Variants in SGCZ observed in about 807,000 individuals in gnomAD.
SGCZ encodes the protein zeta-sarcoglycan.
In SGCZ, 40 loss-of-function variants were observed where a neutral mutation model predicts 41.3. The ratio of observed to expected loss-of-function variants is 0.97; its 90% CI spans 0.75 to 1.26. The LOEUF is 1.26. Ranked by LOEUF, SGCZ falls within the 50% of genes most tolerant of loss-of-function variation. SGCZ has a pLI of 0.00. For synonymous variants in SGCZ, 206 were observed against 137.5 expected (o/e 1.50, Z -3.49); for missense variants, 552 against 369.8 (o/e 1.49, Z -4.04).
At chr8:15,049,057 T>C (rs1286565488) in intron 1 of SGCZ, among the ~76,000 whole-genome samples, 1 of 152,152 alleles carries the variant, frequency 6.6e-6, no homozygotes, top group African/African-American at 2.4e-5. Context: ...AATTAAGAGA[T>C]ACCTAACAAA....
At chr8:14,201,316 T>C (rs558204361) in intron 4 of SGCZ, among the ~76,000 whole-genome samples, 17 of 152,290 alleles carry the variant, frequency 1.1e-4, no homozygotes, top group African/African-American at 4.1e-4. Flanking sequence ...AAAAAGCCTG[T>C]ATGCATAAGC....
chr8:14,321,845 A>G (rs932484917), intron 3 of SGCZ, among the ~76,000 whole-genome samples: 1 of 152,120 alleles, frequency 6.6e-6, no homozygotes, highest in African/African-American at 2.4e-5. Context: ...AATTAAAAAC[A>G]TCATTTCTGC....
At chr8:14,640,305 G>T (rs1310769558) in intron 1 of SGCZ, among the ~76,000 whole-genome samples, 1 of 151,556 alleles carries the variant, frequency 6.6e-6, no homozygotes, top group Non-Finnish European at 1.5e-5. Flanking sequence ...TACAAAGTTT[G>T]GGTACATAAT....
intron 1 of SGCZ, among the ~76,000 whole-genome samples, chr8:14,908,795 T>C (rs1305925798): frequency 6.7e-6 from 1 of 148,384 alleles, no homozygotes; most frequent in Non-Finnish European, 1.5e-5. Context: ...TAATTCACTA[T>C]AAAAAATATT....
chr8:14,798,009 CT>C (rs1801193973), intron 1 of SGCZ, among the ~76,000 whole-genome samples: 1 of 152,186 alleles, frequency 6.6e-6, no homozygotes, highest in Non-Finnish European at 1.5e-5. Context: ...CAGAAGTTTG[CT>C]GCAGGGGCGG....
intron 2 of SGCZ, among the ~76,000 whole-genome samples, chr8:14,344,891 C>A (rs1293302114): frequency 6.6e-6 from 1 of 151,902 alleles, no homozygotes; most frequent in Non-Finnish European, 1.5e-5. Context: ...ATGAGAATTT[C>A]TACATTGCAG....
intron 1 of SGCZ, among the ~76,000 whole-genome samples, chr8:14,570,178 G>T (rs1304066116): frequency 1.3e-5 from 2 of 152,118 alleles, no homozygotes; most frequent in Non-Finnish European, 1.5e-5. Context: ...ACTCCTTCAA[G>T]CAGAGCAGGT....
intron 1 of SGCZ, among the ~76,000 whole-genome samples, chr8:15,110,232 T>A (rs1483883669): frequency 6.6e-6 from 1 of 152,322 alleles, no homozygotes; most frequent in Non-Finnish European, 1.5e-5. Flanking sequence ...GCCAGTCAGA[T>A]GATCCTTGAG....
chr8:14,349,677 A>G (rs1233494187), intron 2 of SGCZ, among the ~76,000 whole-genome samples: 3 of 152,174 alleles, frequency 2.0e-5, no homozygotes, highest in Non-Finnish European at 4.4e-5. Context: ...AAATAAAAAC[A>G]AGCCCACAGG....
At position 14,460,238 on chromosome 8, in the gene SGCZ, C is replaced by T. The variant is rs373950999; in HGVS notation, c.234+94494G>A. Among the ~76,000 whole-genome samples the T allele has an allele frequency of 3.7e-4, 57 of 152,256 alleles. 1 individual carries two copies. The East Asian group carries it at 5.8e-3, about 15-fold the overall frequency. On this transcript the variant is annotated intron_variant, in intron 2 of 7. Coordinates refer to ENST00000382080, the MANE Select transcript of SGCZ (RefSeq NM_139167.4). ...AAAATATGAGGTACTTTTTACTACA[C>T]ATTTTGACAATTTAAAAGTTAAGCA...
chr8:14,751,845 GGC>G (rs1370837472), intron 1 of SGCZ, among the ~76,000 whole-genome samples: 5 of 151,690 alleles, frequency 3.3e-5, no homozygotes, highest in Non-Finnish European at 7.4e-5. Context: ...CACTGCACCC[GGC>G]CATGAACCCG....
chr8:14,417,828 T>C (rs535154865), intron 2 of SGCZ, among the ~76,000 whole-genome samples: 1 of 151,970 alleles, frequency 6.6e-6, no homozygotes, highest in East Asian at 1.9e-4. Context: ...TATCACATTA[T>C]ACAACTTAAA....
chr8:14,394,134 G>GCCC lies in SGCZ; in HGVS notation c.235-69933_235-69931dup, dbSNP rs142651514. Among the ~76,000 whole-genome samples, 55 of 128,774 alleles carry GCCC rather than the reference G, an allele frequency of 4.3e-4. 1 individual carries two copies. The highest frequency in any genetic ancestry group is 1.6e-3 in the African/African-American group (49 of 29,976). 84.5% of individuals were successfully genotyped at this position (128,774 alleles called of 152,430 possible). ...GAACTACTTCATGCACTGCCCTACC[G>GCCC]CCCCCCACCTTTTTTTTTTTTTTTT... On this transcript the variant is annotated intron_variant, in intron 2 of 7. Transcript: ENST00000382080.
In SGCZ at chr8:14,877,775, C is replaced by T. The variant is rs564358612; in HGVS notation, c.40-322849G>A. On this transcript the variant is annotated intron_variant, in intron 1 of 7. Coordinates refer to ENST00000382080, the MANE Select transcript of SGCZ (RefSeq NM_139167.4). Reference sequence around the variant, plus strand: ...CAAAGCATTCATTTTCCTACAAAAACGAATATATTTATTCGTTTTTTTATG... The same window carrying T: ...CAAAGCATTCATTTTCCTACAAAAATGAATATATTTATTCGTTTTTTTATG... 5.9e-5 allele frequency among the ~76,000 whole-genome samples: 9 copies of T among 152,076 alleles called. No individual in the cohort carries two copies. In the East Asian group the frequency reaches 9.7e-4, roughly 16 times the overall value.
intron 1 of SGCZ, among the ~76,000 whole-genome samples, chr8:15,179,627 C>T (rs918823590): frequency 1.3e-5 from 2 of 152,102 alleles, no homozygotes; most frequent in African/African-American, 4.8e-5. Flanking sequence ...ACACAGTCAT[C>T]AGTTTTGGAA....
At chr8:14,649,762 T>G (rs192277152) in intron 1 of SGCZ, among the ~76,000 whole-genome samples, 20 of 152,196 alleles carry the variant, frequency 1.3e-4, no homozygotes, top group African/African-American at 4.8e-4. Flanking sequence ...GGCTGGCTAG[T>G]GCTTCTTTTC....
intron 3 of SGCZ, among the ~76,000 whole-genome samples, chr8:14,319,751 A>G (rs1011563061): frequency 1.3e-5 from 2 of 152,060 alleles, no homozygotes; most frequent in Non-Finnish European, 2.9e-5. Flanking sequence ...TTAAAGTAAT[A>G]TAATTATCAA....
At chr8:14,214,169 C>G (rs912873570) in intron 4 of SGCZ, among the ~76,000 whole-genome samples, 2 of 152,058 alleles carry the variant, frequency 1.3e-5, no homozygotes, top group Admixed American at 1.3e-4. Context: ...TCTGTCCTCC[C>G]CAGAACACAT....
intron 1 of SGCZ, among the ~76,000 whole-genome samples, chr8:14,909,637 A>G (rs908697767): frequency 6.6e-6 from 1 of 152,134 alleles, no homozygotes; most frequent in South Asian, 2.1e-4. Context: ...AGTAAATAAT[A>G]TGTCAAATTT....
Sources: allele counts gnomAD v4.1 joint callset (sites outside exome capture counted in the v4.1 genomes callset), GRCh38; gene constraint gnomAD v4.1.1; transcripts MANE v1.5; gene names NCBI Gene and HGNC (gene_info 2026-07-23, HGNC 2026-07-21).